Variants in KLHDC2 observed in about 807,000 individuals in gnomAD.
The protein encoded by KLHDC2 is kelch domain-containing protein 2.
In KLHDC2, 38 loss-of-function variants were observed where a neutral mutation model predicts 62.3. The ratio of observed to expected loss-of-function variants is 0.61; its 90% CI spans 0.47 to 0.80. The LOEUF (loss-of-function observed/expected upper bound fraction) is 0.80. Among genes scored for constraint, KLHDC2 ranks in the 30% least tolerant of loss-of-function variants. The probability of loss-of-function intolerance (pLI) is 0.00; values close to 1 mark genes in which losing one functional copy is unlikely to be tolerated. For synonymous variants in KLHDC2, 159 were observed against 161.0 expected, an observed-to-expected ratio of 0.99 and a Z score of 0.09; for missense variants, 430 against 495.3, an observed-to-expected ratio of 0.87 and a Z score of 1.25.
chr14:49,786,098 T>C lies in KLHDC2; in HGVS notation c.*3145T>C, dbSNP rs1225030609. ...GGGCAATGTCTAGAGATAGTTTTCG[T>C]TGACACGATGAGGGGTGAGAAGGAA... On this transcript the variant is annotated 3_prime_UTR_variant, in exon 13 of 13. Transcript: ENST00000298307. 1.3e-5 allele frequency: 2 copies of C among 152,754 alleles called. No homozygotes were observed. The highest frequency in any genetic ancestry group is 4.8e-5 in the African/African-American group (2 of 41,384). The allele number at this position is 152,754 out of a possible 1,614,324, so 9.5% of individuals were successfully genotyped here.
Position 49,785,312 on chromosome 14 carries a change from T to C in KLHDC2, c.*2359T>C, listed in dbSNP as rs147195516. ...GTGGCTGGCCTGTCAAAGAATCAAATAGGTTTTCCTAAAAAGGGAAAATAA... is the reference window on the plus strand; with the variant it reads ...GTGGCTGGCCTGTCAAAGAATCAAACAGGTTTTCCTAAAAAGGGAAAATAA... On this transcript the variant is annotated 3_prime_UTR_variant, in exon 13 of 13. Transcript: ENST00000298307. The C allele has an allele frequency of 5.4e-5, 87 of 1,613,052 alleles. No homozygotes were observed. The African/African-American group carries it at 7.3e-4, about 14-fold the overall frequency.
intron 3 of KLHDC2, among the ~76,000 whole-genome samples, chr14:49,777,062 C>A (rs1415892855): frequency 1.3e-5 from 2 of 152,106 alleles, no homozygotes; most frequent in African/African-American, 2.4e-5. Context: ...GAATACTACT[C>A]CGCCATAAGA....
intron 6 of KLHDC2, among the ~76,000 whole-genome samples, chr14:49,778,787 G>A (rs1889825241): frequency 6.6e-6 from 1 of 151,622 alleles, no homozygotes; most frequent in East Asian, 1.9e-4. Flanking sequence ...GCAGTGGCGG[G>A]ATCTCTGCTT....
Position 49,768,306 on chromosome 14 carries a change from G to C in KLHDC2, c.-163G>C. The C allele has an allele frequency of 2.7e-6, 2 of 737,932 alleles. No homozygotes were observed. The highest frequency in any genetic ancestry group is 2.0e-5 in the South Asian group (1 of 50,076). 45.7% of individuals were successfully genotyped at this position (737,932 alleles called of 1,614,324 possible). A position where few individuals can be genotyped will look rare whatever the true frequency, so the allele number is the denominator to read the frequency against. On this transcript the variant is annotated 5_prime_UTR_variant, in exon 1 of 13. Coordinates refer to ENST00000298307, the MANE Select transcript of KLHDC2 (RefSeq NM_014315.3). ...GCGGAGAGCCGTCCTCGGCCGAGGAGGCTGGGAAACGCGAGCGCAGGCGGC... is the reference window on the plus strand; with the variant it reads ...GCGGAGAGCCGTCCTCGGCCGAGGACGCTGGGAAACGCGAGCGCAGGCGGC...
At chr14:49,777,724 A>AT (rs1333534145) in intron 3 of KLHDC2, 115 bp from the exon 4 acceptor site, 30 of 595,266 alleles carry the variant, frequency 5.0e-5, no homozygotes, top group Non-Finnish European at 8.1e-5. Context: ...TGCAGTCACA[A>AT]TTTCAGTAGC....
chr14:49,778,896 T>C (rs1407084761), intron 6 of KLHDC2, among the ~76,000 whole-genome samples: 2 of 151,994 alleles, frequency 1.3e-5, no homozygotes, highest in East Asian at 3.9e-4. Context: ...GCTAATTTTT[T>C]TGTATTTTTA....
Position 49,768,641 on chromosome 14 carries a change from G to A in KLHDC2, c.153+20G>A. The A allele has an allele frequency of 1.3e-6, 2 of 1,562,896 alleles. No homozygotes were observed. The highest frequency in any genetic ancestry group is 1.7e-6 in the Non-Finnish European group (2 of 1,156,536). On this transcript the variant is annotated intron_variant, in intron 1 of 12. Coordinates refer to ENST00000298307, the MANE Select transcript of KLHDC2 (RefSeq NM_014315.3). ...TACAAGGTCAGTGAGTGGCCGGGCCGCGACGGACGTCGCTCGGCTGTGACT... is the reference window on the plus strand; with the variant it reads ...TACAAGGTCAGTGAGTGGCCGGGCCACGACGGACGTCGCTCGGCTGTGACT...
At chr14:49,775,516 A>G (rs1250942390) in intron 3 of KLHDC2, among the ~76,000 whole-genome samples, 5 of 151,862 alleles carry the variant, frequency 3.3e-5, no homozygotes, top group Admixed American at 2.6e-4. Context: ...TGGTGGGATG[A>G]GGGAACAGAA....
At position 49,779,685 on chromosome 14, in the gene KLHDC2, C is replaced by A; in HGVS notation, c.714+10C>A. 6.2e-7 allele frequency: 1 copy of A among 1,612,932 alleles called. No homozygotes were observed. On this transcript the variant is annotated intron_variant, in intron 7 of 12. Coordinates refer to ENST00000298307, the MANE Select transcript of KLHDC2 (RefSeq NM_014315.3). ...TGGAGGCAGATATCGAGTAAGTATTCAAACGACTTCAATGACTTGCTTTTG... is the reference window on the plus strand; with the variant it reads ...TGGAGGCAGATATCGAGTAAGTATTAAAACGACTTCAATGACTTGCTTTTG...
chr14:49,780,378 G>A (rs1889866613), intron 9 of KLHDC2, 56 bp downstream of exon 9: 3 of 1,165,736 alleles, frequency 2.6e-6, no homozygotes, highest in Non-Finnish European at 2.6e-6. Context: ...ATATCTAATA[G>A]CTGAAAATGA....
At chr14:49,770,958 C>T (rs1281344394) in intron 1 of KLHDC2, among the ~76,000 whole-genome samples, 1 of 152,228 alleles carries the variant, frequency 6.6e-6, no homozygotes, top group Non-Finnish European at 1.5e-5. Flanking sequence ...CTTTCAGTAA[C>T]AGCCTGCTGA....
At position 49,782,860 on chromosome 14, in the gene KLHDC2, A is replaced by T; in HGVS notation, c.1128A>T (p.Lys376Asn). ...RLSLEAVICF[K>N]EMLANSWNCL... ...GCTTAGAAGCAGTCATTTGCTTTAA[A>T]GAAATGTTAGCCAACTCATGGAACT... Residue 376 changes from lysine to asparagine, a missense_variant, in exon 13 of 13, where the codon AAA becomes AAT. Coordinates refer to ENST00000298307, the MANE Select transcript of KLHDC2 (RefSeq NM_014315.3). 6.2e-7 allele frequency: 1 copy of T among 1,613,958 alleles called. No homozygotes were observed. The highest frequency in any genetic ancestry group is 8.5e-7 in the Non-Finnish European group (1 of 1,179,894).
chr14:49,774,515 C>T (rs1452285703), intron 2 of KLHDC2, 46 bp from the exon 3 acceptor site: 11 of 1,173,332 alleles, frequency 9.4e-6, no homozygotes, highest in Non-Finnish European at 1.4e-5. Context: ...TAGACTTTTG[C>T]ATTTCTTCCC....
At chr14:49,769,139 T>C (rs1443338661) in intron 1 of KLHDC2, 1 of 152,512 alleles carries the variant, frequency 6.6e-6, no homozygotes, top group Non-Finnish European at 1.5e-5. Flanking sequence ...CAAATGGCCA[T>C]CAGGACTGTT....
chr14:49,769,445 G>A (rs541672743), intron 1 of KLHDC2, among the ~76,000 whole-genome samples: 3 of 152,216 alleles, frequency 2.0e-5, no homozygotes, highest in African/African-American at 4.8e-5. Context: ...CCCTCCCCAC[G>A]CCCGTGCCTT....
intron 2 of KLHDC2, among the ~76,000 whole-genome samples, chr14:49,773,141 C>T (rs890847499): frequency 2.6e-5 from 4 of 151,878 alleles, no homozygotes; most frequent in Admixed American, 6.6e-5. Flanking sequence ...GGGCCGGGCA[C>T]GGTGGCTCAC....
In KLHDC2 at chr14:49,784,607, T is replaced by C; in HGVS notation, c.*1654T>C. On this transcript the variant is annotated 3_prime_UTR_variant, in exon 13 of 13. Coordinates refer to ENST00000298307, the MANE Select transcript of KLHDC2 (RefSeq NM_014315.3). ...TTCCAAAAGGCTATAAAATTGGCTC[T>C]TCTCAAATATTTTAGAATTTCATTT... 1 of 1,535,722 alleles carries C rather than the reference T, an allele frequency of 6.5e-7. No individual in the cohort carries two copies. The highest frequency in any genetic ancestry group is 9.0e-7 in the Non-Finnish European group (1 of 1,115,470).
Position 49,768,237 on chromosome 14 carries a change from G to C in KLHDC2, c.-232G>C. The stretch of plus-strand genomic sequence containing the variant: ...CCCGGGCCCGCGCCGCCGCCGCCCG[G>C]CTCCGCTCGCGGCCCCTCTGTCTGC... On this transcript the variant is annotated 5_prime_UTR_variant, in exon 1 of 13. Transcript: ENST00000298307. 1 of 391,296 alleles carries C rather than the reference G, an allele frequency of 2.6e-6. No individual in the cohort carries two copies. The highest frequency in any genetic ancestry group is 4.2e-5 in the East Asian group (1 of 23,654). The allele number at this position is 391,296 out of a possible 1,614,324, so 24.2% of individuals were successfully genotyped here.
intron 6 of KLHDC2, 62 bp downstream of exon 6, chr14:49,778,556 T>TGGGGGGGGGGGGGGGGG: frequency 2.3e-6 from 1 of 427,088 alleles, no homozygotes; most frequent in Non-Finnish European, 4.0e-6. Context: ...AGGGGTGGGG[T>TGGGGGGGGGGGGGGGGG]AGGGGAGAGG....
Sources: allele counts gnomAD v4.1 joint callset (sites outside exome capture counted in the v4.1 genomes callset), GRCh38; gene constraint gnomAD v4.1.1; transcripts MANE v1.5; gene names NCBI Gene and HGNC (gene_info 2026-07-23, HGNC 2026-07-21).